DNM1L: variants seen among roughly 807,000 people sequenced by gnomAD.
DNM1L encodes dynamin 1L.
In DNM1L, 33 loss-of-function variants were observed where a neutral mutation model predicts 92.8. The observed-to-expected ratio is 0.36, with a 90% CI of 0.27 to 0.48. The LOEUF is 0.48. Ranked by LOEUF, DNM1L falls within the 20% of genes least tolerant of loss-of-function variation. The pLI is 0.99. For missense variants in DNM1L, 485 were observed against 888.8 expected, an observed-to-expected ratio of 0.55 and a Z score of 5.78; for synonymous variants, 284 against 305.0, an observed-to-expected ratio of 0.93 and a Z score of 0.72.
chr12:32,694,037 C>G (rs1345270864), intron 1 of DNM1L, among the ~76,000 whole-genome samples: 1 of 152,152 alleles, frequency 6.6e-6, no homozygotes, highest in South Asian at 2.1e-4. Flanking sequence ...CACTCTGTCC[C>G]TAAACAGCCA....
intron 1 of DNM1L, 114 bp from the exon 2 acceptor site, chr12:32,701,301 C>T: frequency 2.2e-6 from 2 of 903,628 alleles, no homozygotes; most frequent in Non-Finnish European, 3.4e-6. Context: ...ATAGTCTCTG[C>T]ACTAATTTTT....
chr12:32,712,203 C>T (rs1464384284), intron 5 of DNM1L, among the ~76,000 whole-genome samples: 1 of 152,160 alleles, frequency 6.6e-6, no homozygotes, highest in Non-Finnish European at 1.5e-5. Context: ...TCTCCAGTTC[C>T]TTGTCATTCC....
chr12:32,726,551 T>A lies in DNM1L; in HGVS notation c.1079+3918T>A, dbSNP rs943820235. ...TAAACTATAACACTGATCTTGGGAT[T>A]GTATGCTCACGTAAAAAGTGACCAA... On this transcript the variant is annotated intron_variant, in intron 9 of 19. Transcript: ENST00000549701. The A allele has an allele frequency of 4.3e-6, 5 of 1,171,966 alleles. No individual in the cohort carries two copies. The East Asian group carries it at 1.2e-4, about 27-fold the overall frequency. The allele number at this position is 1,171,966 out of a possible 1,614,324, so 72.6% of individuals were successfully genotyped here.
intron 3 of DNM1L, among the ~76,000 whole-genome samples, chr12:32,707,881 G>A (rs1260225822): frequency 6.6e-6 from 1 of 151,616 alleles, no homozygotes; most frequent in Admixed American, 6.6e-5. Context: ...AGGATGTGAG[G>A]TTGAGGCTGC....
chr12:32,702,228 C>T (rs542733374), intron 2 of DNM1L, among the ~76,000 whole-genome samples: 26 of 112,044 alleles, frequency 2.3e-4, no homozygotes, highest in African/African-American at 8.6e-4. Flanking sequence ...AGTGAGACTC[C>T]GTCTCAAAAA....
Position 32,731,951 on chromosome 12 carries a change from A to G in DNM1L, c.1446+8A>G. ...CCTGTTACAAATGAAATGGTGAGCT[A>G]CTATAGCATAGATCATTGTAATTAC... On this transcript the variant is annotated splice_region_variant and intron_variant, in intron 12 of 19. Coordinates refer to ENST00000549701, the MANE Select transcript of DNM1L (RefSeq NM_012062.5). This position sits in a 1 kb window ranked among gnomAD's most constrained non-coding sequence, Gnocchi z 5.1. 1 of 1,600,812 alleles carries G rather than the reference A, an allele frequency of 6.2e-7. No individual in the cohort carries two copies. The highest frequency in any genetic ancestry group is 8.6e-7 in the Non-Finnish European group (1 of 1,168,140).
intron 1 of DNM1L, among the ~76,000 whole-genome samples, chr12:32,680,647 G>A (rs1324114714): frequency 1.3e-5 from 2 of 152,146 alleles, no homozygotes; most frequent in East Asian, 3.8e-4. Flanking sequence ...TCTAGTATTT[G>A]TAACAATATT....
chr12:32,717,491 T>G (rs1953512824), intron 6 of DNM1L, among the ~76,000 whole-genome samples: 1 of 112,494 alleles, frequency 8.9e-6, no homozygotes, highest in South Asian at 2.3e-4. Context: ...TATATATATA[T>G]AGTATATATA....
chr12:32,740,634 G>A, intron 18 of DNM1L, 116 bp downstream of exon 18: 1 of 950,706 alleles, frequency 1.1e-6, no homozygotes, highest in Non-Finnish European at 1.6e-6. Context: ...ATCATCAAGT[G>A]GATTTTCTGA....
At chr12:32,700,740 T>A (rs569198453) in intron 1 of DNM1L, among the ~76,000 whole-genome samples, 2 of 152,092 alleles carry the variant, frequency 1.3e-5, no homozygotes, top group South Asian at 4.2e-4. Flanking sequence ...AGTGACACAC[T>A]GTAATAATAA....
At chr12:32,697,507 GTTA>G (rs1190039612) in intron 1 of DNM1L, among the ~76,000 whole-genome samples, 4 of 152,172 alleles carry the variant, frequency 2.6e-5, no homozygotes, top group African/African-American at 4.8e-5. Flanking sequence ...TAGTATTGGT[GTTA>G]TTATTTTGAG....
chr12:32,708,670 G>C (rs1953014567), intron 4 of DNM1L, among the ~76,000 whole-genome samples: 1 of 151,908 alleles, frequency 6.6e-6, no homozygotes, highest in African/African-American at 2.4e-5. Flanking sequence ...AGCAAAAAGA[G>C]ACAAATTGGG....
intron 1 of DNM1L, among the ~76,000 whole-genome samples, chr12:32,696,369 TACACACACACACAAACAC>T (rs1952449249): frequency 8.8e-6 from 1 of 113,284 alleles, no homozygotes; most frequent in African/African-American, 3.3e-5. Context: ...AGACCCTGTC[TACACACACACACAAACAC>T]ACACACACAC....
intron 4 of DNM1L, among the ~76,000 whole-genome samples, chr12:32,709,847 A>G (rs1317620578): frequency 6.6e-6 from 1 of 152,188 alleles, no homozygotes; most frequent in Non-Finnish European, 1.5e-5. Flanking sequence ...TGGCTTTGGA[A>G]CACTGGAGTA....
chr12:32,722,669 A>G (rs754082263), intron 9 of DNM1L, 36 bp downstream of exon 9: 4 of 1,519,782 alleles, frequency 2.6e-6, no homozygotes, highest in African/African-American at 2.7e-5. Context: ...TTGGTTACCT[A>G]GATTGCTAGG....
intron 16 of DNM1L, among the ~76,000 whole-genome samples, chr12:32,739,606 A>T (rs1439609632): frequency 6.6e-6 from 1 of 152,178 alleles, no homozygotes; most frequent in African/African-American, 2.4e-5. Context: ...AAACATATAA[A>T]CTCTTAAGTT....
At chr12:32,713,093 AT>A (rs1278775452) in intron 5 of DNM1L, 115 bp from the exon 6 acceptor site, 15 of 1,003,624 alleles carry the variant, frequency 1.5e-5, no homozygotes, top group Non-Finnish European at 2.2e-5. Flanking sequence ...TAATGTCTTT[AT>A]TTTTATTTTA....
Position 32,722,027 on chromosome 12 carries a change from T to TG in DNM1L, c.873-399dup, listed in dbSNP as rs1165379447. Among the ~76,000 whole-genome samples the TG allele has an allele frequency of 2.6e-5, 4 of 152,348 alleles. No homozygotes were observed. The East Asian group carries it at 7.7e-4, about 29-fold the overall frequency. On this transcript the variant is annotated intron_variant, in intron 8 of 19. Coordinates refer to ENST00000549701, the MANE Select transcript of DNM1L (RefSeq NM_012062.5). The stretch of plus-strand genomic sequence containing the variant: ...ACACCACACTCCAGGAACCTTCATG[T>TG]GTTCAACTCTCTGAAGACTCCATGA...
intron 1 of DNM1L, among the ~76,000 whole-genome samples, chr12:32,680,414 G>T (rs1909511): frequency 0.045 from 6,786 of 152,180 alleles, 473 homozygotes; most frequent in African/African-American, 0.15. Context: ...TCATTTTCCA[G>T]GAGGTACATA....
Sources: allele counts gnomAD v4.1 joint callset (sites outside exome capture counted in the v4.1 genomes callset), GRCh38; gene constraint gnomAD v4.1.1; non-coding constraint Gnocchi (gnomAD v3.1); transcripts MANE v1.5; gene names NCBI Gene and HGNC (gene_info 2026-07-23, HGNC 2026-07-21).